The following TASOR variants were observed in gnomAD, a reference collection of about 807,000 sequenced individuals.
The protein encoded by TASOR is protein TASOR.
TASOR carries 53 observed loss-of-function variants against 178.6 expected under a neutral mutation model. The observed-to-expected ratio is 0.30, with a 90% CI of 0.24 to 0.37. TASOR has a LOEUF of 0.37. Among genes scored for constraint, TASOR ranks in the 10% least tolerant of loss-of-function variants. The pLI is 1.00. For synonymous variants in TASOR, 713 were observed against 696.2 expected, an observed-to-expected ratio of 1.02 and a Z score of -0.38; for missense variants, 1,815 against 1,971.4, an observed-to-expected ratio of 0.92 and a Z score of 1.50.
chr3:56,676,117 CG>C (rs1429238145), intron 1 of TASOR, among the ~76,000 whole-genome samples: 2 of 151,696 alleles, frequency 1.3e-5, no homozygotes, highest in African/African-American at 4.9e-5. Flanking sequence ...CGAATATGCT[CG>C]GTAACCTATT....
chr3:56,670,870 G>A (rs1467105831), intron 3 of TASOR, among the ~76,000 whole-genome samples: 2 of 141,230 alleles, frequency 1.4e-5, no homozygotes, highest in Non-Finnish European at 3.0e-5. Flanking sequence ...CTGGGAGAAG[G>A]AGGTTGCAGT....
chr3:56,633,590 A>G lies in TASOR; in HGVS notation c.3201T>C (p.Ser1067=). 1 of 1,614,148 alleles carries G rather than the reference A, an allele frequency of 6.2e-7. No homozygotes were observed. The change falls in exon 18 of 24, where the codon TCT becomes TCC. Residue 1067 remains serine, a synonymous_variant. Coordinates refer to ENST00000683822, the MANE Select transcript of TASOR (RefSeq NM_001365635.2). ...KMKRLSEFIY[S]KTSKAGVQEF... Reference sequence around the variant, plus strand: ...CCTGCACACCAGCTTTGGAAGTCTTAGAATATATGAACTCGGAAAGCCGTT... The same window carrying G: ...CCTGCACACCAGCTTTGGAAGTCTTGGAATATATGAACTCGGAAAGCCGTT...
chr3:56,638,216 T>C (rs138007896), intron 17 of TASOR, among the ~76,000 whole-genome samples: 56 of 151,814 alleles, frequency 3.7e-4, no homozygotes, highest in African/African-American at 1.3e-3. Flanking sequence ...AATAAAAAAA[T>C]AAGCTGGGCA....
At chr3:56,670,266 C>A in intron 3 of TASOR, 121 bp from the exon 4 acceptor site, 1 of 547,364 alleles carries the variant, frequency 1.8e-6, no homozygotes, top group Admixed American at 3.5e-5. Flanking sequence ...CATTCTAGAT[C>A]ACAGAAATCT....
intron 1 of TASOR, among the ~76,000 whole-genome samples, chr3:56,678,954 G>A (rs1265154786): frequency 4.0e-5 from 6 of 149,024 alleles, no homozygotes; most frequent in African/African-American, 7.4e-5. Context: ...AGAGGCTGCA[G>A]TCAGCCGGGA....
chr3:56,646,680 T>G lies in TASOR; in HGVS notation c.2057A>C (p.Asn686Thr). The change falls in exon 14 of 24, where the codon AAT becomes ACT. Residue 686 changes from asparagine to threonine, a missense_variant. Physicochemically the swap from Asn to Thr is moderately conservative, Grantham distance 65 (BLOSUM62 0). Around this residue, in one of 5 missense-constraint regions of TASOR, gnomAD observed 504 missense variants for 645.3 expected, o/e 0.78. Coordinates refer to ENST00000683822, the MANE Select transcript of TASOR (RefSeq NM_001365635.2). ...ACTCTTTTTCCTACACTGAATTAAA[T>G]TAATCAATTCTTTGACTCTATCCTT... ...YDKDRVKELI[N>T]LIQCRKKSVG... The G allele has an allele frequency of 6.2e-7, 1 of 1,613,890 alleles. No homozygotes were observed. Among genetic ancestry groups the G allele is most frequent in the Non-Finnish European group, 8.5e-7 (1 of 1,180,006 alleles).
intron 15 of TASOR, among the ~76,000 whole-genome samples, chr3:56,640,334 T>G (rs1288851073): frequency 2.0e-5 from 3 of 152,190 alleles, no homozygotes; most frequent in Non-Finnish European, 4.4e-5. Flanking sequence ...AGAACAGGGA[T>G]TGGTAAACGT....
Position 56,633,453 on chromosome 3 carries a change from G to A in TASOR, c.3338C>T (p.Ser1113Leu), listed in dbSNP as rs374848248. ...SPNDSGAKIA[S>L]NPLERHVIPV... is the part of the protein sequence containing the mutation. ...TATGACATGCCTTTCCAGAGGATTC[G>A]ATGCTATCTTAGCACCAGAATCGTT... The change falls in exon 18 of 24, where the codon TCG (serine) becomes TTG (leucine). Residue 1113 changes from serine (S) to leucine (L), a missense_variant. By Grantham distance (145) the Ser-to-Leu change is moderately radical. Coordinates refer to ENST00000683822, the MANE Select transcript of TASOR (RefSeq NM_001365635.2). 1.6e-5 allele frequency: 26 copies of A among 1,613,964 alleles called. No homozygotes were observed. Among genetic ancestry groups the A allele is most frequent in the African/African-American group, 4.0e-5 (3 of 74,916 alleles).
rs1029442810 is a variant in TASOR, at chr3:56,620,816, C to G, written c.*2221G>C. On this transcript the variant is annotated 3_prime_UTR_variant, in exon 24 of 24. Coordinates refer to ENST00000683822, the MANE Select transcript of TASOR (RefSeq NM_001365635.2). ...CACCCAGTGTTATTTCAGCAGGACCCTTCTGTTAGCATCTAAGGTAAGGTT... is the reference window on the plus strand; with the variant it reads ...CACCCAGTGTTATTTCAGCAGGACCGTTCTGTTAGCATCTAAGGTAAGGTT... 2 of 152,214 alleles carry G rather than the reference C, an allele frequency of 1.3e-5. No individual in the cohort carries two copies. The highest frequency in any genetic ancestry group is 4.8e-5 in the African/African-American group (2 of 41,426). 9.4% of individuals were successfully genotyped at this position (152,214 alleles called of 1,614,324 possible).
chr3:56,645,978 C>A (rs146913587), intron 14 of TASOR, among the ~76,000 whole-genome samples: 263 of 152,200 alleles, frequency 1.7e-3, no homozygotes, highest in African/African-American at 5.9e-3. Flanking sequence ...GAAACCCCGT[C>A]TCTACTAAAA....
intron 6 of TASOR, among the ~76,000 whole-genome samples, chr3:56,666,730 C>T (rs2030022967): frequency 6.6e-6 from 1 of 152,080 alleles, no homozygotes; most frequent in African/African-American, 2.4e-5. Flanking sequence ...AAGCAAAATA[C>T]TAAGAACACA....
intron 11 of TASOR, among the ~76,000 whole-genome samples, chr3:56,660,359 G>A (rs2077566970): frequency 6.6e-6 from 1 of 151,756 alleles, no homozygotes; most frequent in African/African-American, 2.4e-5. Flanking sequence ...CTGTGGTGGT[G>A]TGCACATGTA....
intron 18 of TASOR, chr3:56,628,929 ATTTTT>A (rs58944810): frequency 0.12 from 14,215 of 122,192 alleles, 881 homozygotes; most frequent in East Asian, 0.36. Flanking sequence ...TACCAGGCTA[ATTTTT>A]TTTTTTTTTT....
In TASOR at chr3:56,641,763, G is replaced by GGAAGTCATTGGTTGAAGTTA; in HGVS notation, c.2216-31_2216-12dup. On this transcript the variant is annotated splice_polypyrimidine_tract_variant and intron_variant, in intron 14 of 23. Transcript: ENST00000683822. ...TAGGCTGTGGAGACTCTGAGAAAAAGGAAGTCATTGGTTGAAGTTAAGTTT... is the reference window on the plus strand; with the variant it reads ...TAGGCTGTGGAGACTCTGAGAAAAAGGAAGTCATTGGTTGAAGTTAGAAGTCATTGGTTGAAGTTAAGTTT... 6.3e-7 allele frequency: 1 copy of GGAAGTCATTGGTTGAAGTTA among 1,580,228 alleles called. No individual in the cohort carries two copies. The highest frequency in any genetic ancestry group is 1.4e-5 in the African/African-American group (1 of 73,846).
At chr3:56,682,117 G>A (rs889430148) in intron 1 of TASOR, among the ~76,000 whole-genome samples, 2 of 152,224 alleles carry the variant, frequency 1.3e-5, no homozygotes, top group Non-Finnish European at 2.9e-5. Flanking sequence ...TGGAAATGAA[G>A]TGTGATGGAA....
chr3:56,633,113 G>A lies in TASOR; in HGVS notation c.3678C>T (p.Asp1226=), dbSNP rs768953783. ...VFNSLVKIMK[D]VQKNTVKFYI... ...AAAATTTCACAGTATTTTTCTGGAC[G>A]TCTTTCATGATTTTAACCAAACTAT... Residue 1226 remains aspartate, a synonymous_variant, in exon 18 of 24, where the codon GAC becomes GAT. Coordinates refer to ENST00000683822, the MANE Select transcript of TASOR (RefSeq NM_001365635.2). 45 of 1,611,556 alleles carry A rather than the reference G, an allele frequency of 2.8e-5. No homozygotes were observed. The highest frequency in any genetic ancestry group is 3.3e-5 in the Non-Finnish European group (39 of 1,179,358).
At chr3:56,682,460 A>G (rs975548938) in intron 1 of TASOR, among the ~76,000 whole-genome samples, 2 of 151,846 alleles carry the variant, frequency 1.3e-5, no homozygotes, top group African/African-American at 4.8e-5. Context: ...GCTACTTCCA[A>G]CTTCCGCGGG....
At chr3:56,682,234 C>A (rs969327550) in intron 1 of TASOR, among the ~76,000 whole-genome samples, 1 of 152,186 alleles carries the variant, frequency 6.6e-6, no homozygotes, top group African/African-American at 2.4e-5. Context: ...AGAATTTCCA[C>A]GGGGAGAAGC....
At chr3:56,665,456 A>G (rs1037127544) in intron 7 of TASOR, among the ~76,000 whole-genome samples, 2 of 152,052 alleles carry the variant, frequency 1.3e-5, no homozygotes, top group Non-Finnish European at 2.9e-5. Flanking sequence ...GCCCAGGTTC[A>G]AGCGATTCTC....
Sources: allele counts gnomAD v4.1 joint callset (sites outside exome capture counted in the v4.1 genomes callset), GRCh38; gene constraint gnomAD v4.1.1; regional missense constraint gnomAD v4.1.1; transcripts MANE v1.5; gene names NCBI Gene and HGNC (gene_info 2026-07-23, HGNC 2026-07-21).